CAMK4: variants seen among roughly 807,000 people sequenced by gnomAD.
The protein encoded by CAMK4 is calcium/calmodulin-dependent protein kinase type IV.
In CAMK4, 22 loss-of-function variants were observed where a neutral mutation model predicts 44.9. The ratio of observed to expected loss-of-function variants is 0.49; its 90% CI spans 0.35 to 0.70. CAMK4 has a LOEUF of 0.70. Ranked by LOEUF, CAMK4 falls within the 30% of genes least tolerant of loss-of-function variation. The pLI is 0.01. For synonymous variants in CAMK4, 218 were observed against 215.4 expected, an observed-to-expected ratio of 1.01 and a Z score of -0.11; for missense variants, 498 against 586.8, an observed-to-expected ratio of 0.85 and a Z score of 1.56.
intron 1 of CAMK4, among the ~76,000 whole-genome samples, chr5:111,297,118 T>G (rs1747519611): frequency 6.6e-6 from 1 of 152,188 alleles, no homozygotes; most frequent in African/African-American, 2.4e-5. Flanking sequence ...TTTTTAAAAC[T>G]AAAATGCGAA....
At chr5:111,481,771 A>T (rs1755442458) in intron 9 of CAMK4, among the ~76,000 whole-genome samples, 1 of 152,282 alleles carries the variant, frequency 6.6e-6, no homozygotes, top group Admixed American at 6.5e-5. Context: ...CAAGTCACTA[A>T]ATCTTTCTGA....
chr5:111,406,105 A>T (rs1183136014), intron 5 of CAMK4, among the ~76,000 whole-genome samples: 3 of 149,842 alleles, frequency 2.0e-5, no homozygotes, highest in African/African-American at 4.9e-5. Flanking sequence ...TTCCTTTATA[A>T]GGTTTTATCT....
upstream of CAMK4, chr5:111,224,345 G>C: frequency 8.2e-7 from 1 of 1,220,066 alleles, no homozygotes; most frequent in Non-Finnish European, 1.0e-6. The surrounding 1 kb of genome is among the most constrained non-coding windows in gnomAD (Gnocchi z 5.7). Context: ...GAGCGCGGGC[G>C]GCGGCGGTGG....
Position 111,310,784 on chromosome 5 carries a change from A to T in CAMK4, c.162-33240A>T, listed in dbSNP as rs1001840475. Among the ~76,000 whole-genome samples, 4 of 152,318 alleles carry T rather than the reference A, an allele frequency of 2.6e-5. No individual in the cohort carries two copies. The South Asian group carries it at 8.3e-4, about 32-fold the overall frequency. On this transcript the variant is annotated intron_variant, in intron 1 of 10. Transcript: ENST00000282356. ...ATTGGCCTTTTAAAATAGTAGCAGA[A>T]CTATAATAAGAATTGTGAATATGTT...
At chr5:111,342,263 G>T (rs1304942425) in intron 1 of CAMK4, among the ~76,000 whole-genome samples, 3 of 151,260 alleles carry the variant, frequency 2.0e-5, no homozygotes, top group Non-Finnish European at 1.5e-5. Context: ...TCTCCTTTTA[G>T]TTCTATAAGA....
At chr5:111,248,601 TA>T (rs1409945845) in intron 1 of CAMK4, among the ~76,000 whole-genome samples, 2 of 152,322 alleles carry the variant, frequency 1.3e-5, no homozygotes, top group African/African-American at 4.8e-5. Flanking sequence ...TCACAGTATC[TA>T]GCACATTGCT....
At chr5:111,267,926 T>C (rs1412621625) in intron 1 of CAMK4, among the ~76,000 whole-genome samples, 1 of 152,182 alleles carries the variant, frequency 6.6e-6, no homozygotes, top group African/African-American at 2.4e-5. Context: ...TATTTATTTG[T>C]CTGGGTAGCA....
chr5:111,231,769 CTG>C (rs1359647225), intron 1 of CAMK4, among the ~76,000 whole-genome samples: 5 of 152,050 alleles, frequency 3.3e-5, no homozygotes, highest in Admixed American at 2.6e-4. Context: ...AAATTGAAAA[CTG>C]TGAATAAAAG....
chr5:111,404,068 AG>A (rs563546468), intron 5 of CAMK4, among the ~76,000 whole-genome samples: 62 of 152,214 alleles, frequency 4.1e-4, no homozygotes, highest in Admixed American at 7.9e-4. Context: ...GCCTATTAGC[AG>A]GCATTTTGAA....
intron 7 of CAMK4, among the ~76,000 whole-genome samples, chr5:111,467,330 G>T (rs1486050456): frequency 2.2e-5 from 1 of 46,508 alleles, no homozygotes. Flanking sequence ...TTTTTACAAA[G>T]ATAAATAGAT....
At chr5:111,356,925 T>G (rs962742952) in intron 2 of CAMK4, among the ~76,000 whole-genome samples, 3 of 151,944 alleles carry the variant, frequency 2.0e-5, no homozygotes, top group Admixed American at 1.3e-4. Flanking sequence ...AAAAGCAGGC[T>G]GATGAGAGAG....
chr5:111,268,430 A>G (rs1750358416), intron 1 of CAMK4, among the ~76,000 whole-genome samples: 1 of 152,230 alleles, frequency 6.6e-6, no homozygotes, highest in Admixed American at 6.5e-5. Context: ...CATGGGAATA[A>G]TGGAAACACT....
At chr5:111,348,277 A>AT (rs1749948420) in intron 2 of CAMK4, among the ~76,000 whole-genome samples, 2 of 152,024 alleles carry the variant, frequency 1.3e-5, no homozygotes, top group Non-Finnish European at 2.9e-5. Flanking sequence ...AAGTACTCAA[A>AT]TATCTGGGTT....
At chr5:111,388,761 A>T (rs1751695980) in intron 4 of CAMK4, among the ~76,000 whole-genome samples, 1 of 152,188 alleles carries the variant, frequency 6.6e-6, no homozygotes, top group East Asian at 1.9e-4. Flanking sequence ...TCTCTCCGTA[A>T]TATTTATTGA....
intron 1 of CAMK4, among the ~76,000 whole-genome samples, chr5:111,268,798 C>T (rs1750371730): frequency 1.3e-5 from 2 of 152,086 alleles, no homozygotes; most frequent in Admixed American, 1.3e-4. Context: ...CTTTCTATCT[C>T]CTTCTATACC....
At chr5:111,270,043 T>C (rs1461862759) in intron 1 of CAMK4, 1 of 152,508 alleles carries the variant, frequency 6.6e-6, no homozygotes, top group Non-Finnish European at 1.5e-5. Flanking sequence ...AGCGTTTCAT[T>C]TCCTCCTCCA....
At chr5:111,331,759 A>T (rs1749176733) in intron 1 of CAMK4, among the ~76,000 whole-genome samples, 1 of 151,704 alleles carries the variant, frequency 6.6e-6, no homozygotes, top group Non-Finnish European at 1.5e-5. Context: ...GACATAATCG[A>T]TTAATCCTAC....
rs1056518943 is a variant in CAMK4, at chr5:111,389,694, G to A, written c.387-5016G>A. On this transcript the variant is annotated intron_variant, in intron 4 of 10. Transcript: ENST00000282356. ...GGAAAATCCACACTGTTTGTTGTAG[G>A]CCAGAAGGTAATTGATTTTATTCCC... Among the ~76,000 whole-genome samples, 5 of 152,138 alleles carry A rather than the reference G, an allele frequency of 3.3e-5. No individual in the cohort carries two copies. In the South Asian group the frequency reaches 1.0e-3, roughly 32 times the overall value.
chr5:111,436,979 G>A (rs887582719), intron 5 of CAMK4, among the ~76,000 whole-genome samples: 2 of 152,208 alleles, frequency 1.3e-5, no homozygotes, highest in East Asian at 1.9e-4. Flanking sequence ...TTAGGTAATG[G>A]TTTAAAATGT....
Sources: allele counts gnomAD v4.1 joint callset (sites outside exome capture counted in the v4.1 genomes callset), GRCh38; gene constraint gnomAD v4.1.1; non-coding constraint Gnocchi (gnomAD v3.1); transcripts MANE v1.5; gene names NCBI Gene and HGNC (gene_info 2026-07-23, HGNC 2026-07-21).